The following TBL3 variants were observed in gnomAD, a reference collection of about 807,000 sequenced individuals.
The protein encoded by TBL3 is transducin beta like 3.
Under a neutral mutation model 102.7 loss-of-function variants are expected in TBL3, and 71 were observed. That is an observed-to-expected ratio of 0.69 (90% CI 0.57 to 0.84). The LOEUF is 0.84. Among genes scored for constraint, TBL3 ranks in the 40% least tolerant of loss-of-function variants. TBL3 has a pLI of 0.00. For missense variants in TBL3, 1,188 were observed against 1,098.5 expected (o/e 1.08, Z -1.15); for synonymous variants, 578 against 477.7 (o/e 1.21, Z -2.74).
rs1253733769 is a variant in TBL3 at position 1,975,096 on chromosome 16, C to G, written c.633C>G (p.Leu211=). ...TCAGCGCCGACGGCCACACCATGCT[C>G]AGGTCAGCAGTGGGCCCTGGTAGGA... ...LAFSADGHTM[L]SSGRDKICII... Residue 211 remains leucine (L), a splice_region_variant and synonymous_variant, in exon 7 of 22, where the codon CTC becomes CTG. Transcript: ENST00000568546. 1 of 1,611,718 alleles carries G rather than the reference C, an allele frequency of 6.2e-7. No individual in the cohort carries two copies. Among genetic ancestry groups the G allele is most frequent in the Non-Finnish European group, 8.5e-7 (1 of 1,179,964 alleles).
chr16:1,976,255 G>A lies in TBL3; in HGVS notation c.1233G>A (p.Val411=), dbSNP rs1278801970. The change falls in exon 13 of 22, where the codon GTG becomes GTA. Residue 411 remains valine, a synonymous_variant. Transcript: ENST00000568546. ...RIWRMNKAGQ[V]MCVAQGSGHT... ...GGAGAATGAACAAGGCTGGCCAGGTGATGTGCGTGGCTCAGGGTTCCGGTC... is the reference window on the plus strand; with the variant it reads ...GGAGAATGAACAAGGCTGGCCAGGTAATGTGCGTGGCTCAGGGTTCCGGTC... 6.2e-7 allele frequency: 1 copy of A among 1,614,170 alleles called. No individual in the cohort carries two copies. Among genetic ancestry groups the A allele is most frequent in the Non-Finnish European group, 8.5e-7 (1 of 1,180,040 alleles).
rs1451414374 is a variant in TBL3, at chr16:1,978,347, C to T, written c.2169C>T (p.Thr723=). 6.2e-7 allele frequency: 1 copy of T among 1,610,958 alleles called. No homozygotes were observed. Among genetic ancestry groups the T allele is most frequent in the Non-Finnish European group, 8.5e-7 (1 of 1,178,798 alleles). ...ALLRFCVTWN[T]NSRHCHEAQA... is the part of the protein sequence containing the mutation. ...TGCGCTTCTGCGTCACGTGGAACAC[C>T]AACTCGCGGCACTGCCACGAGGCCC... Residue 723 remains threonine, a synonymous_variant, in exon 21 of 22, where the codon ACC becomes ACT. Coordinates refer to ENST00000568546, the MANE Select transcript of TBL3 (RefSeq NM_006453.3).
rs1036173574 is a variant in TBL3, at chr16:1,980,333, G to T, written c.*1648G>T. The T allele has an allele frequency of 2.5e-6, 4 of 1,585,298 alleles. No individual in the cohort carries two copies. Among genetic ancestry groups the T allele is most frequent in the Non-Finnish European group, 2.6e-6 (3 of 1,170,860 alleles). On this transcript the variant is annotated 3_prime_UTR_variant, in exon 22 of 22. Coordinates refer to ENST00000568546, the MANE Select transcript of TBL3 (RefSeq NM_006453.3). ...TGGACCTCTCCCAGCTCCAAACGCCGCTGCATGCTGGGAGTTTGGGGCGAG... is the reference window on the plus strand; with the variant it reads ...TGGACCTCTCCCAGCTCCAAACGCCTCTGCATGCTGGGAGTTTGGGGCGAG...
At chr16:1,972,450 G>A (rs1261761114) in intron 1 of TBL3, among the ~76,000 whole-genome samples, 2 of 152,252 alleles carry the variant, frequency 1.3e-5, no homozygotes, top group African/African-American at 4.8e-5. Flanking sequence ...CGAGAAGCCG[G>A]CTATGGGGTG....
chr16:1,981,100 C>G lies in TBL3; in HGVS notation c.*2415C>G, dbSNP rs764118739. ...CTATCCCTTGGGGCCACTAAGGACC[C>G]AGCCAGGTCTTACTTGGAGCCTCTT... On this transcript the variant is annotated 3_prime_UTR_variant, in exon 22 of 22. Coordinates refer to ENST00000568546, the MANE Select transcript of TBL3 (RefSeq NM_006453.3). 10 of 1,612,898 alleles carry G rather than the reference C, an allele frequency of 6.2e-6. No homozygotes were observed. The South Asian group carries it at 8.8e-5, about 14-fold the overall frequency.
At position 1,980,057 on chromosome 16, in the gene TBL3, C is replaced by T. The variant is rs779787770; in HGVS notation, c.*1372C>T. 6.2e-7 allele frequency: 1 copy of T among 1,607,316 alleles called. No homozygotes were observed. On this transcript the variant is annotated 3_prime_UTR_variant, in exon 22 of 22. Transcript: ENST00000568546. ...TGGGCCTGCGCCTGAAAAGGCCTAT[C>T]CCGCGTGTCCTGGGTACAGAAGGGC...
chr16:1,976,812 A>G lies in TBL3; in HGVS notation c.1293-2A>G. The G allele has an allele frequency of 6.2e-7, 1 of 1,613,162 alleles. No individual in the cohort carries two copies. Among genetic ancestry groups the G allele is most frequent in the Non-Finnish European group, 8.5e-7 (1 of 1,179,918 alleles). On this transcript the variant is annotated splice_acceptor_variant, in intron 13 of 21. Transcript: ENST00000568546. LOFTEE classifies it high-confidence loss of function. ...GTCTCCTCCTCTCCTGTTGGGTCAC[A>G]GGCTGAAGGAGTCCTTCCTGGTGAC... is the stretch of plus-strand genomic sequence containing the variant.
intron 10 of TBL3, 43 bp from the exon 11 acceptor site, chr16:1,975,765 C>T (rs373488677): frequency 7.4e-6 from 12 of 1,613,732 alleles, no homozygotes; most frequent in Non-Finnish European, 1.0e-5. Context: ...CCTCCTCTTA[C>T]ACAGGTCCTG....
In TBL3 at chr16:1,979,843, T is replaced by C; in HGVS notation, c.*1158T>C. 4 of 1,579,230 alleles carry C rather than the reference T, an allele frequency of 2.5e-6. No homozygotes were observed. Among genetic ancestry groups the C allele is most frequent in the Non-Finnish European group, 3.4e-6 (4 of 1,163,918 alleles). On this transcript the variant is annotated 3_prime_UTR_variant, in exon 22 of 22. Transcript: ENST00000568546. ...CCGGCCTTGGCCCGGGGCCGCCTCC[T>C]CCAGGTAGGGCGCTGGAAACCAGGC...
Position 1,980,361 on chromosome 16 carries a change from A to T in TBL3, c.*1676A>T. The T allele has an allele frequency of 6.3e-7, 1 of 1,598,728 alleles. No individual in the cohort carries two copies. The highest frequency in any genetic ancestry group is 8.5e-7 in the Non-Finnish European group (1 of 1,178,118). On this transcript the variant is annotated 3_prime_UTR_variant, in exon 22 of 22. Coordinates refer to ENST00000568546, the MANE Select transcript of TBL3 (RefSeq NM_006453.3). ...GCATGCTGGGAGTTTGGGGCGAGTCAGGCACCTGCCGGGTGGCAGCGCGGG... is the reference window on the plus strand; with the variant it reads ...GCATGCTGGGAGTTTGGGGCGAGTCTGGCACCTGCCGGGTGGCAGCGCGGG...
chr16:1,979,458 A>G lies in TBL3; in HGVS notation c.*773A>G. ...CCACCAGCCGCGGTCTGACGTTTCC[A>G]ACACGCGCACGCGCGCCCCCGCGGG... On this transcript the variant is annotated 3_prime_UTR_variant, in exon 22 of 22. Transcript: ENST00000568546. 6.2e-7 allele frequency: 1 copy of G among 1,611,318 alleles called. No individual in the cohort carries two copies. Among genetic ancestry groups the G allele is most frequent in the Non-Finnish European group, 8.5e-7 (1 of 1,179,456 alleles).
rs2083381226 is a variant in TBL3 at position 1,974,275 on chromosome 16, C to T, written c.172C>T (p.Leu58=). 6.3e-7 allele frequency: 1 copy of T among 1,596,972 alleles called. No individual in the cohort carries two copies. The highest frequency in any genetic ancestry group is 1.3e-5 in the African/African-American group (1 of 74,722). The change falls in exon 3 of 22, where the codon CTG becomes TTG. Residue 58 remains leucine, a synonymous_variant. Coordinates refer to ENST00000568546, the MANE Select transcript of TBL3 (RefSeq NM_006453.3). ...NILEVASGAV[L]RSLEQEDQED... is the part of the protein sequence containing the mutation. The stretch of plus-strand genomic sequence containing the variant: ...TCTGGAAGTGGCCTCGGGGGCCGTG[C>T]TGCGGAGTCTGGAGCAGGTGAGGGC...
In TBL3 at chr16:1,974,859, G is replaced by T. The variant is rs575618330; in HGVS notation, c.464+12G>T. 6.2e-6 allele frequency: 10 copies of T among 1,613,206 alleles called. No individual in the cohort carries two copies. The highest frequency in any genetic ancestry group is 8.5e-6 in the Non-Finnish European group (10 of 1,179,970). On this transcript the variant is annotated intron_variant, in intron 6 of 21. Transcript: ENST00000568546. ...CCCGGTGTCGTGCAGTGAGTTGGAA[G>T]GTGGAGGGGGAGGGCAGAGGCACCA...
chr16:1,977,114 CGCACG>C lies in TBL3; in HGVS notation c.1504_1508del (p.Thr502GlnfsTer39). 6.2e-7 allele frequency: 1 copy of C among 1,613,076 alleles called. No homozygotes were observed. The highest frequency in any genetic ancestry group is 8.5e-7 in the Non-Finnish European group (1 of 1,180,004). ...GCTGCTGGCCACAGGCTCACAGGAC[CGCACG>C]GCCAAGCTCTGGGCCCTGCCACAGT... On this transcript the variant is annotated frameshift_variant, in exon 15 of 22. Transcript: ENST00000568546. LOFTEE classifies it high-confidence loss of function.
rs1445963909 is a variant in TBL3, at chr16:1,978,890, C to CAGAGATCCA, written c.*205_*206insAGAGATCCA. 7 of 1,061,980 alleles carry CAGAGATCCA rather than the reference C, an allele frequency of 6.6e-6. No homozygotes were observed. The highest frequency in any genetic ancestry group is 9.4e-6 in the Non-Finnish European group (7 of 747,902). 65.8% of individuals were successfully genotyped at this position (1,061,980 alleles called of 1,614,324 possible). A position where few individuals can be genotyped will look rare whatever the true frequency, so the allele number is the denominator to read the frequency against. On this transcript the variant is annotated 3_prime_UTR_variant, in exon 22 of 22. Coordinates refer to ENST00000568546, the MANE Select transcript of TBL3 (RefSeq NM_006453.3). ...CCTGGCCTGGCAGAGATCCAGCCCG[C>CAGAGATCCA]GGCTCCGCACGCTTAGACGGTGGGG... is the stretch of plus-strand genomic sequence containing the variant.
chr16:1,977,682 C>T lies in TBL3; in HGVS notation c.1899+12C>T. 1 of 1,551,840 alleles carries T rather than the reference C, an allele frequency of 6.4e-7. No individual in the cohort carries two copies. The highest frequency in any genetic ancestry group is 8.7e-7 in the Non-Finnish European group (1 of 1,147,198). On this transcript the variant is annotated intron_variant, in intron 17 of 21. Coordinates refer to ENST00000568546, the MANE Select transcript of TBL3 (RefSeq NM_006453.3). ...TCATCCTCTGGAAGGTTGTGGGCCC[C>T]AAGGGCAGGGAAGAGTCGGGGTGGA...
chr16:1,974,579 G>T lies in TBL3; in HGVS notation c.279G>T (p.Trp93Cys). 1 of 1,611,196 alleles carries T rather than the reference G, an allele frequency of 6.2e-7. No homozygotes were observed. The highest frequency in any genetic ancestry group is 2.2e-5 in the East Asian group (1 of 44,796). The change falls in exon 5 of 22, where the codon TGG becomes TGT. Residue 93 changes from tryptophan to cysteine, a missense_variant. Physicochemically the swap from Trp to Cys is radical, Grantham distance 215. Transcript: ENST00000568546. ...TASRALLLAQ[W>C]AWQEGSVTRL... is the part of the protein sequence containing the mutation. ...GTCGGGCATTGCTGCTGGCTCAGTG[G>T]GCCTGGCAAGAGGGCAGCGTTACCC...
In TBL3 at chr16:1,978,912, G is replaced by A. The variant is rs1053521187; in HGVS notation, c.*227G>A. ...CCGCGGCTCCGCACGCTTAGACGGT[G>A]GGGGTCATGCAGAACAAGCTTTACT... On this transcript the variant is annotated 3_prime_UTR_variant, in exon 22 of 22. Transcript: ENST00000568546. 3 of 1,103,740 alleles carry A rather than the reference G, an allele frequency of 2.7e-6. No homozygotes were observed. Among genetic ancestry groups the A allele is most frequent in the Non-Finnish European group, 3.8e-6 (3 of 781,452 alleles). The allele number at this position is 1,103,740 out of a possible 1,614,324, so 68.4% of individuals were successfully genotyped here. A position where few individuals can be genotyped will look rare whatever the true frequency, so the allele number is the denominator to read the frequency against.
chr16:1,979,799 C>T lies in TBL3; in HGVS notation c.*1114C>T, dbSNP rs2150888805. 4 of 1,553,788 alleles carry T rather than the reference C, an allele frequency of 2.6e-6. No homozygotes were observed. Among genetic ancestry groups the T allele is most frequent in the Non-Finnish European group, 3.5e-6 (4 of 1,151,150 alleles). On this transcript the variant is annotated 3_prime_UTR_variant, in exon 22 of 22. Transcript: ENST00000568546. ...GGGGTTAGGCGCATACCGCTGCTCC[C>T]TAGGGACGGGCCTCCCTCCCGGCCT...
Sources: allele counts gnomAD v4.1 joint callset (sites outside exome capture counted in the v4.1 genomes callset), GRCh38; gene constraint gnomAD v4.1.1; transcripts MANE v1.5; gene names NCBI Gene and HGNC (gene_info 2026-07-23, HGNC 2026-07-21).